Variants in TEKT1 observed in about 807,000 individuals in gnomAD.
TEKT1 encodes the protein tektin-1.
A neutral mutation model predicts 34.8 loss-of-function variants in TEKT1; 32 were observed. The observed-to-expected ratio is 0.92, with a 90% CI of 0.69 to 1.23. TEKT1 has a LOEUF of 1.23. Ranked by LOEUF, TEKT1 falls within the 50% of genes most tolerant of loss-of-function variation. The pLI is 0.00. For missense variants in TEKT1, 492 were observed against 518.5 expected, an observed-to-expected ratio of 0.95 and a Z score of 0.50; for synonymous variants, 207 against 199.8, an observed-to-expected ratio of 1.04 and a Z score of -0.30.
At chr17:6,808,546 C>T (rs1171137505) in intron 6 of TEKT1, among the ~76,000 whole-genome samples, 1 of 152,192 alleles carries the variant, frequency 6.6e-6, no homozygotes, top group Non-Finnish European at 1.5e-5. Context: ...AATCACCCAT[C>T]TTCTGCGTCG....
intron 4 of TEKT1, 93 bp from the exon 5 acceptor site, chr17:6,815,399 A>G (rs2151587074): frequency 6.7e-7 from 1 of 1,482,200 alleles, no homozygotes; most frequent in Admixed American, 1.7e-5. Context: ...AGCTGCAGCT[A>G]GGTCTGGTGC....
At chr17:6,830,893 T>C (rs1407636976) in intron 1 of TEKT1, among the ~76,000 whole-genome samples, 1 of 152,196 alleles carries the variant, frequency 6.6e-6, no homozygotes, top group East Asian at 1.9e-4. Flanking sequence ...GTCTCATACA[T>C]GTCTTTTGGT....
rs1274699998 is a variant in TEKT1 at position 6,813,069 on chromosome 17, C to A, written c.630-16G>T. On this transcript the variant is annotated splice_polypyrimidine_tract_variant and intron_variant, in intron 5 of 7. Coordinates refer to ENST00000338694, the MANE Select transcript of TEKT1 (RefSeq NM_053285.2). The stretch of plus-strand genomic sequence containing the variant: ...ACTCACGGAGCTGAAACAGACCTCA[C>A]GCTTTCATTCACAGCATATTTGGGG... The A allele has an allele frequency of 2.5e-6, 4 of 1,605,048 alleles. No homozygotes were observed. The South Asian group carries it at 3.3e-5, about 13-fold the overall frequency.
chr17:6,804,184 T>A (rs77909203), intron 6 of TEKT1, among the ~76,000 whole-genome samples: 30,764 of 151,986 alleles, frequency 0.2, 3,287 homozygotes, highest in East Asian at 0.4. Flanking sequence ...ACATCCCTTG[T>A]AAATTGGATT....
Position 6,798,101 on chromosome 17 carries a change from C to T in TEKT1, c.*1926G>A, listed in dbSNP as rs1301241401. 6.6e-6 allele frequency: 1 copy of T among 152,220 alleles called. No individual in the cohort carries two copies. The highest frequency in any genetic ancestry group is 2.4e-5 in the African/African-American group (1 of 41,452). 9.4% of individuals were successfully genotyped at this position (152,220 alleles called of 1,614,324 possible). On this transcript the variant is annotated 3_prime_UTR_variant, in exon 8 of 8. Coordinates refer to ENST00000338694, the MANE Select transcript of TEKT1 (RefSeq NM_053285.2). ...ATCAAAATCACATTTCCCTTAAAAG[C>T]AGCATGTTCCAGACACTGTGTTGAG...
chr17:6,829,767 TG>T (rs1027908583), intron 2 of TEKT1, among the ~76,000 whole-genome samples: 2 of 149,854 alleles, frequency 1.3e-5, no homozygotes, highest in South Asian at 2.1e-4. Flanking sequence ...AATCTTTTAT[TG>T]TTTTTTTTTC....
At chr17:6,809,816 C>A (rs1260238158) in intron 6 of TEKT1, among the ~76,000 whole-genome samples, 5 of 152,226 alleles carry the variant, frequency 3.3e-5, no homozygotes, top group African/African-American at 1.2e-4. Context: ...TATGTCTTTT[C>A]ATGGCTTGAT....
In TEKT1 at chr17:6,828,593, A is replaced by G. The variant is rs373564761; in HGVS notation, c.190+1594T>C. 2.6e-5 allele frequency among the ~76,000 whole-genome samples: 4 copies of G among 152,128 alleles called. No individual in the cohort carries two copies. The East Asian group carries it at 7.7e-4, about 29-fold the overall frequency. On this transcript the variant is annotated intron_variant, in intron 2 of 7. Transcript: ENST00000338694. ...AAGCAATGGGTTGAAACTGAGTAGC[A>G]GCTTCCTCCTTAGATGGGGCACACG... is the stretch of plus-strand genomic sequence containing the variant.
chr17:6,798,311 G>T lies in TEKT1; in HGVS notation c.*1716C>A. ...GCCTGGGATCTGAATCCACCACTGA[G>T]GCTGGCTGCCTCTGAGAGCTGTATT... On this transcript the variant is annotated 3_prime_UTR_variant, in exon 8 of 8. Transcript: ENST00000338694. The T allele has an allele frequency of 6.6e-6, 1 of 152,282 alleles. No homozygotes were observed. The highest frequency in any genetic ancestry group is 6.5e-5 in the Admixed American group (1 of 15,278). 9.4% of individuals were successfully genotyped at this position (152,282 alleles called of 1,614,324 possible).
chr17:6,827,323 G>A (rs866731896), intron 2 of TEKT1, among the ~76,000 whole-genome samples: 27 of 147,622 alleles, frequency 1.8e-4, no homozygotes, highest in African/African-American at 5.6e-4. Context: ...GTGCAGTGGC[G>A]TGATCTCGGC....
intron 3 of TEKT1, among the ~76,000 whole-genome samples, chr17:6,816,993 GAGGAA>G (rs1180465759): frequency 6.6e-6 from 1 of 151,608 alleles, no homozygotes; most frequent in Non-Finnish European, 1.5e-5. Context: ...TTCCCAAGAA[GAGGAA>G]AGTTTTAAAT....
intron 2 of TEKT1, among the ~76,000 whole-genome samples, chr17:6,821,273 T>C (rs62061690): frequency 0.056 from 8,539 of 152,284 alleles, 295 homozygotes; most frequent in South Asian, 0.084. Flanking sequence ...GGGAGATAAT[T>C]GGATCATTGA....
intron 3 of TEKT1, among the ~76,000 whole-genome samples, chr17:6,816,598 A>G (rs1305683805): frequency 2.0e-5 from 3 of 152,186 alleles, no homozygotes; most frequent in Non-Finnish European, 4.4e-5. Context: ...TCCATGGTGT[A>G]TATGTGCCAC....
rs200101090 is a variant in TEKT1, at chr17:6,810,232, A to G, written c.852+2599T>C. Among the ~76,000 whole-genome samples, 18 of 152,296 alleles carry G rather than the reference A, an allele frequency of 1.2e-4. 1 individual carries two copies. The East Asian group carries it at 2.7e-3, about 23-fold the overall frequency. On this transcript the variant is annotated intron_variant, in intron 6 of 7. Transcript: ENST00000338694. The stretch of plus-strand genomic sequence containing the variant: ...AATTCCCTAATGACATAGGATGTTG[A>G]GCATCTTTTCGTATGCTTACTTGCC...
intron 2 of TEKT1, among the ~76,000 whole-genome samples, chr17:6,825,385 T>G (rs1471841550): frequency 6.6e-6 from 1 of 152,238 alleles, no homozygotes; most frequent in Non-Finnish European, 1.5e-5. Context: ...TATCCTGTAC[T>G]GGACTCATCT....
At chr17:6,813,119 G>T in intron 5 of TEKT1, 66 bp from the exon 6 acceptor site, 1 of 1,370,584 alleles carries the variant, frequency 7.3e-7, no homozygotes, top group Non-Finnish European at 1.0e-6. Context: ...GGGAGAGAGG[G>T]ACGAGCTACA....
rs1398318984 is a variant in TEKT1 at position 6,811,834 on chromosome 17, A to G, written c.852+997T>C. 6.6e-6 allele frequency among the ~76,000 whole-genome samples: 1 copy of G among 152,046 alleles called. No individual in the cohort carries two copies. The highest frequency in any genetic ancestry group is 1.5e-5 in the Non-Finnish European group (1 of 67,974). The stretch of plus-strand genomic sequence containing the variant: ...GAAATGTGTAGCTTGAAATCCACCA[A>G]TGTGGGAGTATTTGTACTACAGACA... On this transcript the variant is annotated intron_variant, in intron 6 of 7. Transcript: ENST00000338694. This position sits in a 1 kb window ranked among gnomAD's most constrained non-coding sequence, Gnocchi z 4.4.
At chr17:6,825,134 A>G (rs1402835677) in intron 2 of TEKT1, among the ~76,000 whole-genome samples, 1 of 152,212 alleles carries the variant, frequency 6.6e-6, no homozygotes, top group African/African-American at 2.4e-5. Context: ...AAATGGCCAG[A>G]GAGAAAGGAA....
chr17:6,810,016 T>C (rs574677723), intron 6 of TEKT1, among the ~76,000 whole-genome samples: 7 of 152,354 alleles, frequency 4.6e-5, no homozygotes, highest in African/African-American at 1.2e-4. Flanking sequence ...AGGAAGGAGA[T>C]TGCTGAATCC....
Sources: allele counts gnomAD v4.1 joint callset (sites outside exome capture counted in the v4.1 genomes callset), GRCh38; gene constraint gnomAD v4.1.1; non-coding constraint Gnocchi (gnomAD v3.1); transcripts MANE v1.5; gene names NCBI Gene and HGNC (gene_info 2026-07-23, HGNC 2026-07-21).